The following MCTP1 variants were observed in gnomAD, a reference collection of about 807,000 sequenced individuals.
MCTP1 encodes the protein multiple C2 and transmembrane domain-containing protein 1.
Under a neutral mutation model 120.6 loss-of-function variants are expected in MCTP1, and 69 were observed. The observed-to-expected ratio is 0.57, with a 90% CI of 0.47 to 0.70. The LOEUF is 0.70. MCTP1 is among the 30% of genes least tolerant of loss of function. The pLI, the probability that MCTP1 is intolerant of heterozygous loss-of-function variation, is 0.00. For synonymous variants in MCTP1, 529 were observed against 493.1 expected, an observed-to-expected ratio of 1.07 and a Z score of -0.96; for missense variants, 1,203 against 1,248.8, an observed-to-expected ratio of 0.96 and a Z score of 0.55.
chr5:95,088,905 C>T (rs1020410442), intron 1 of MCTP1, among the ~76,000 whole-genome samples: 2 of 152,204 alleles, frequency 1.3e-5, no homozygotes, highest in African/African-American at 4.8e-5. Context: ...CCAGAGTACG[C>T]ATTATCAGTC....
At chr5:94,974,561 A>C (rs1827649181) in intron 2 of MCTP1, among the ~76,000 whole-genome samples, 1 of 152,124 alleles carries the variant, frequency 6.6e-6, no homozygotes, top group South Asian at 2.1e-4. Flanking sequence ...AAAAATAATA[A>C]TACATAAGTA....
At chr5:95,234,364 G>A (rs1220829572) in intron 1 of MCTP1, among the ~76,000 whole-genome samples, 1 of 152,166 alleles carries the variant, frequency 6.6e-6, no homozygotes, top group Non-Finnish European at 1.5e-5. Flanking sequence ...TTTCCTCCCA[G>A]GGTGAATTTG....
chr5:95,206,828 G>C (rs557372696), intron 1 of MCTP1, among the ~76,000 whole-genome samples: 1 of 152,252 alleles, frequency 6.6e-6, no homozygotes, highest in South Asian at 2.1e-4. Flanking sequence ...GAGCCACCAT[G>C]CCTGTCCATT....
At position 95,144,779 on chromosome 5, in the gene MCTP1, A is replaced by G. The variant is rs187777156; in HGVS notation, c.721-127295T>C. 2.1e-3 allele frequency among the ~76,000 whole-genome samples: 324 copies of G among 152,246 alleles called. 2 individuals carry two copies. The highest frequency in any genetic ancestry group is 7.5e-3 in the Admixed American group (115 of 15,280). On this transcript the variant is annotated intron_variant, in intron 1 of 22. Transcript: ENST00000515393. The stretch of plus-strand genomic sequence containing the variant: ...CATTGGTCTGTGTATCTGTTTTTAT[A>G]ATAGTCCCATGCTGTTTTGGTTACT...
chr5:95,138,238 C>CA lies in MCTP1; in HGVS notation c.721-120755_721-120754insT, dbSNP rs922640655. On this transcript the variant is annotated intron_variant, in intron 1 of 22. Coordinates refer to ENST00000515393, the MANE Select transcript of MCTP1 (RefSeq NM_024717.7). ...AGACTTTCCTGTGAGATGCAACCCC[C>CA]CCCCGACATTAAAATAATATGTGTT... Among the ~76,000 whole-genome samples, 15 of 150,648 alleles carry CA rather than the reference C, an allele frequency of 1.0e-4. 1 individual carries two copies. The highest frequency in any genetic ancestry group is 3.2e-4 in the African/African-American group (13 of 41,112).
At position 95,232,073 on chromosome 5, in the gene MCTP1, C is replaced by CAAAAATT. The variant is rs1299841363; in HGVS notation, c.720+51776_720+51782dup. On this transcript the variant is annotated intron_variant, in intron 1 of 22. Transcript: ENST00000515393. ...GATGCCAGCAGCATCTCCCCAGTTG[C>CAAAAATT]AAAAATTAAAAATGTTCTCAGACAT... Among the ~76,000 whole-genome samples the CAAAAATT allele has an allele frequency of 2.8e-4, 39 of 139,452 alleles. 1 individual carries two copies. In the South Asian group the frequency reaches 8.4e-3, roughly 30 times the overall value. 91.5% of individuals were successfully genotyped at this position (139,452 alleles called of 152,430 possible).
At chr5:95,132,985 C>G (rs1331172514) in intron 1 of MCTP1, among the ~76,000 whole-genome samples, 1 of 152,154 alleles carries the variant, frequency 6.6e-6, no homozygotes, top group Non-Finnish European at 1.5e-5. Flanking sequence ...CTTGTTAGAA[C>G]CAGGTTAGGA....
intron 9 of MCTP1, among the ~76,000 whole-genome samples, chr5:94,910,848 T>C (rs469843): frequency 0.25 from 38,247 of 152,154 alleles, 5,128 homozygotes; most frequent in Middle Eastern, 0.34. Context: ...AGAAAAAAAA[T>C]GGCACTGAAT....
intron 1 of MCTP1, among the ~76,000 whole-genome samples, chr5:95,184,263 C>T (rs978492519): frequency 7.2e-5 from 11 of 152,024 alleles, no homozygotes; most frequent in Non-Finnish European, 1.3e-4. Context: ...AAAGGAAATA[C>T]GTGTCCACAA....
intron 19 of MCTP1, among the ~76,000 whole-genome samples, chr5:94,746,206 G>A (rs562047908): frequency 1.3e-5 from 2 of 152,114 alleles, no homozygotes; most frequent in Non-Finnish European, 2.9e-5. Flanking sequence ...CATTAGCAAG[G>A]GAAAATGGGG....
intron 1 of MCTP1, among the ~76,000 whole-genome samples, chr5:95,053,857 T>G (rs1458981241): frequency 6.6e-6 from 1 of 152,172 alleles, no homozygotes; most frequent in Non-Finnish European, 1.5e-5. Context: ...ATAGAAGGAA[T>G]GTATTATGTA....
chr5:94,866,812 G>A (rs6861217), intron 17 of MCTP1, among the ~76,000 whole-genome samples: 19,482 of 151,126 alleles, frequency 0.13, 1,473 homozygotes, highest in African/African-American at 0.21. Context: ...TTCATTTTAC[G>A]CGAGTGACCT....
chr5:94,909,668 T>A (rs1289747650), intron 9 of MCTP1, among the ~76,000 whole-genome samples: 1 of 152,050 alleles, frequency 6.6e-6, no homozygotes, highest in Non-Finnish European at 1.5e-5. Context: ...GAGGTAATAA[T>A]CTATGAAAGA....
chr5:95,195,201 G>A (rs1750241876), intron 1 of MCTP1, among the ~76,000 whole-genome samples: 1 of 152,178 alleles, frequency 6.6e-6, no homozygotes, highest in Admixed American at 6.5e-5. Flanking sequence ...TGCTTATGAT[G>A]TTTCCAGGAA....
chr5:94,962,454 T>C (rs1824506264), intron 2 of MCTP1, among the ~76,000 whole-genome samples: 1 of 150,088 alleles, frequency 6.7e-6, no homozygotes, highest in Non-Finnish European at 1.5e-5. Context: ...ATATATTGTA[T>C]ATATTGTATT....
chr5:94,820,684 A>G (rs1785436208), intron 17 of MCTP1, among the ~76,000 whole-genome samples: 1 of 152,180 alleles, frequency 6.6e-6, no homozygotes, highest in Admixed American at 6.5e-5. Flanking sequence ...GAATATTTGC[A>G]CTCCAAGTAC....
intron 20 of MCTP1, among the ~76,000 whole-genome samples, chr5:94,712,666 GTCT>G (rs1757500189): frequency 6.6e-6 from 1 of 151,916 alleles, no homozygotes; most frequent in Non-Finnish European, 1.5e-5. Context: ...TTCTGTCTTT[GTCT>G]TCTTCCTCTT....
intron 2 of MCTP1, among the ~76,000 whole-genome samples, chr5:94,992,729 T>G (rs1409631365): frequency 6.6e-6 from 1 of 152,152 alleles, no homozygotes; most frequent in African/African-American, 2.4e-5. Flanking sequence ...ACTCTACACT[T>G]GTCCCAGAGG....
At chr5:94,746,672 GTTTC>G (rs748979468) in intron 19 of MCTP1, among the ~76,000 whole-genome samples, 96 of 152,290 alleles carry the variant, frequency 6.3e-4, no homozygotes, top group South Asian at 1.7e-3. Flanking sequence ...TTAATTTCCT[GTTTC>G]TTTGTCTTCT....
Sources: gnomAD v4.1 joint callset for allele counts (sites outside exome capture counted in the v4.1 genomes callset) on GRCh38, gnomAD v4.1.1 for gene constraint, MANE v1.5 for transcripts, NCBI Gene and HGNC (gene_info 2026-07-23, HGNC 2026-07-21) for gene names.